Variants in PABPC3 observed in about 807,000 individuals in gnomAD.
PABPC3 encodes the protein polyadenylate-binding protein 3.
A neutral mutation model predicts 43.0 loss-of-function variants in PABPC3; 43 were observed. The observed-to-expected ratio is 1.00, with a 90% CI of 0.78 to 1.29. PABPC3 has a LOEUF of 1.29. PABPC3 is among the 50% of genes most tolerant of loss of function. The pLI is 0.00. For synonymous variants in PABPC3, 221 were observed against 274.6 expected (o/e 0.80, Z 1.93); for missense variants, 784 against 798.1 (o/e 0.98, Z 0.21).
Position 25,096,896 on chromosome 13 carries a change from T to A in PABPC3, c.698T>A (p.Phe233Tyr). 1 of 1,614,270 alleles carries A rather than the reference T, an allele frequency of 6.2e-7. No individual in the cohort carries two copies. Among genetic ancestry groups the A allele is most frequent in the Non-Finnish European group, 8.5e-7 (1 of 1,180,040 alleles). The change falls in exon 1 of 1, where the codon TTT (phenylalanine) becomes TAT (tyrosine). Residue 233 changes from phenylalanine (F) to tyrosine (Y), a missense_variant. Coordinates refer to ENST00000281589, the MANE Select transcript of PABPC3 (RefSeq NM_030979.3). ...MTDESGKSKG[F>Y]GFVSFERHED... ...GATGAAAGTGGAAAATCCAAAGGAT[T>A]TGGATTTGTAAGCTTTGAAAGGCAT...
chr13:25,098,110 A>G lies in PABPC3; in HGVS notation c.*16A>G. The G allele has an allele frequency of 6.2e-7, 1 of 1,602,506 alleles. No individual in the cohort carries two copies. The highest frequency in any genetic ancestry group is 8.5e-7 in the Non-Finnish European group (1 of 1,172,882). Reference sequence around the variant, plus strand: ...AACTGTTTAAAATTGATCAGAGACCACGAAAAGAAATTTGTGCTTCACCGA... The same window carrying G: ...AACTGTTTAAAATTGATCAGAGACCGCGAAAAGAAATTTGTGCTTCACCGA... On this transcript the variant is annotated 3_prime_UTR_variant, in exon 1 of 1. Coordinates refer to ENST00000281589, the MANE Select transcript of PABPC3 (RefSeq NM_030979.3).
Position 25,096,454 on chromosome 13 carries a change from T to C in PABPC3, c.256T>C (p.Trp86Arg). The stretch of plus-strand genomic sequence containing the variant: ...AAAGGGCAAGCCAGTACGCATCATG[T>C]GGTCTCAGCGTGATCCATCACTTCG... ...VIKGKPVRIMWSQRDPSLRKS... is the reference protein window; with the variant it reads ...VIKGKPVRIMRSQRDPSLRKS... The change falls in exon 1 of 1, where the codon TGG (tryptophan) becomes CGG (arginine). Residue 86 changes from tryptophan (W) to arginine (R), a missense_variant. Trp to Arg is a moderately radical substitution (Grantham distance 101, BLOSUM62 -3). Coordinates refer to ENST00000281589, the MANE Select transcript of PABPC3 (RefSeq NM_030979.3). The C allele has an allele frequency of 6.2e-7, 1 of 1,614,268 alleles. No homozygotes were observed. Among genetic ancestry groups the C allele is most frequent in the Non-Finnish European group, 8.5e-7 (1 of 1,180,046 alleles).
At position 25,096,257 on chromosome 13, in the gene PABPC3, C is replaced by T. The variant is rs1310700164; in HGVS notation, c.59C>T (p.Pro20Leu). 1 of 1,614,140 alleles carries T rather than the reference C, an allele frequency of 6.2e-7. No homozygotes were observed. ...TASLYVGDLH[P>L]DVTEAMLYEK... ...TCGCTCTACGTGGGGGACCTCCACC[C>T]CGACGTGACTGAGGCGATGCTCTAC... The change falls in exon 1 of 1, where the codon CCC (proline) becomes CTC (leucine). Residue 20 changes from proline to leucine, a missense_variant. Pro to Leu is a moderately conservative substitution (Grantham distance 98, BLOSUM62 -3). Coordinates refer to ENST00000281589, the MANE Select transcript of PABPC3 (RefSeq NM_030979.3).
rs1446775042 is a variant in PABPC3, at chr13:25,097,565, C to A, written c.1367C>A (p.Pro456Gln). The change falls in exon 1 of 1, where the codon CCA becomes CAA. Residue 456 changes from proline to glutamine, a missense_variant. Physicochemically the swap from Pro to Gln is moderately conservative, Grantham distance 76. Transcript: ENST00000281589. ...ATCCGCCCAGGTGCTCCTAGAGTACCATTTAGTACTATGAGACCAGCTTCT... is the reference window on the plus strand; with the variant it reads ...ATCCGCCCAGGTGCTCCTAGAGTACAATTTAGTACTATGAGACCAGCTTCT... Reference protein sequence around the residue: ...SAIRPGAPRVPFSTMRPASSQ... With the variant: ...SAIRPGAPRVQFSTMRPASSQ... 5.6e-6 allele frequency: 9 copies of A among 1,614,218 alleles called. No individual in the cohort carries two copies. The highest frequency in any genetic ancestry group is 1.6e-4 in the Middle Eastern group (1 of 6,062).
chr13:25,098,127 C>T lies in PABPC3; in HGVS notation c.*33C>T. On this transcript the variant is annotated 3_prime_UTR_variant, in exon 1 of 1. Coordinates refer to ENST00000281589, the MANE Select transcript of PABPC3 (RefSeq NM_030979.3). Reference sequence around the variant, plus strand: ...CAGAGACCACGAAAAGAAATTTGTGCTTCACCGAAGAAAAATATCTAAACA... The same window carrying T: ...CAGAGACCACGAAAAGAAATTTGTGTTTCACCGAAGAAAAATATCTAAACA... The T allele has an allele frequency of 6.4e-7, 1 of 1,568,380 alleles. No individual in the cohort carries two copies. The highest frequency in any genetic ancestry group is 8.7e-7 in the Non-Finnish European group (1 of 1,146,462).
In PABPC3 at chr13:25,098,973, TTAAC is replaced by T. The variant is rs1207613132; in HGVS notation, c.*882_*885del. ...TTTCTTGGTTTATCAATTTTGTAAT[TTAAC>T]TATTGACTTCCTGCTGTAACAAATA... On this transcript the variant is annotated 3_prime_UTR_variant, in exon 1 of 1. Transcript: ENST00000281589. 3.0e-5 allele frequency: 5 copies of T among 166,884 alleles called. No individual in the cohort carries two copies. The highest frequency in any genetic ancestry group is 4.8e-5 in the African/African-American group (2 of 41,454). The allele number at this position is 166,884 out of a possible 1,614,324, so 10.3% of individuals were successfully genotyped here.
chr13:25,097,595 A>T lies in PABPC3; in HGVS notation c.1397A>T (p.Gln466Leu), dbSNP rs1956051258. The change falls in exon 1 of 1, where the codon CAG becomes CTG. Residue 466 changes from glutamine (Q) to leucine (L), a missense_variant. By Grantham distance (113) the Gln-to-Leu change is moderately radical. Transcript: ENST00000281589. ...AGTACTATGAGACCAGCTTCTTCAC[A>T]GGTTCCACGAGTCATGTCAACGCAG... ...PFSTMRPASS[Q>L]VPRVMSTQRV... The T allele has an allele frequency of 6.2e-7, 1 of 1,614,134 alleles. No individual in the cohort carries two copies. The highest frequency in any genetic ancestry group is 1.1e-5 in the South Asian group (1 of 91,092).
chr13:25,096,959 A>T lies in PABPC3; in HGVS notation c.761A>T (p.Lys254Met), dbSNP rs1366870550. The change falls in exon 1 of 1, where the codon AAG (lysine) becomes ATG (methionine). Residue 254 changes from lysine (K) to methionine (M), a missense_variant. By Grantham distance (95) the Lys-to-Met change is moderately conservative (BLOSUM62 -1). Coordinates refer to ENST00000281589, the MANE Select transcript of PABPC3 (RefSeq NM_030979.3). ...AAAGCTGTAGATGAGATGAATGGAA[A>T]GGAGCTCAATGGAAAACAAATTTAC... ...AQKAVDEMNG[K>M]ELNGKQIYVG... is the part of the protein sequence containing the mutation. The T allele has an allele frequency of 1.6e-6, 2 of 1,220,080 alleles. No homozygotes were observed. The highest frequency in any genetic ancestry group is 3.1e-5 in the African/African-American group (2 of 64,896). 75.6% of individuals were successfully genotyped at this position (1,220,080 alleles called of 1,614,324 possible).
chr13:25,097,672 G>A lies in PABPC3; in HGVS notation c.1474G>A (p.Ala492Thr), dbSNP rs1565996764. 4 of 1,614,074 alleles carry A rather than the reference G, an allele frequency of 2.5e-6. No homozygotes were observed. The highest frequency in any genetic ancestry group is 3.4e-6 in the Non-Finnish European group (4 of 1,180,012). ...AGTGGGTCCACGTCCTGCAGCTGCT[G>A]CTGCTGCTGCAGCTACCCCTGCTGT... ...QTVGPRPAAA[A>T]AAAATPAVRT... Residue 492 changes from alanine to threonine, a missense_variant, in exon 1 of 1, where the codon GCT (alanine) becomes ACT (threonine). Coordinates refer to ENST00000281589, the MANE Select transcript of PABPC3 (RefSeq NM_030979.3).
chr13:25,096,845 C>A lies in PABPC3; in HGVS notation c.647C>A (p.Pro216His). 1 of 1,614,264 alleles carries A rather than the reference C, an allele frequency of 6.2e-7. No homozygotes were observed. The highest frequency in any genetic ancestry group is 8.5e-7 in the Non-Finnish European group (1 of 1,180,048). Residue 216 changes from proline to histidine, a missense_variant, in exon 1 of 1, where the codon CCC (proline) becomes CAC (histidine). Coordinates refer to ENST00000281589, the MANE Select transcript of PABPC3 (RefSeq NM_030979.3). ...RLKDLFGKFG[P>H]ALSVKVMTDE... ...AAGGATCTCTTTGGCAAGTTCGGGC[C>A]CGCCTTAAGTGTGAAAGTAATGACC... is the stretch of plus-strand genomic sequence containing the variant.
chr13:25,098,108 C>G lies in PABPC3; in HGVS notation c.*14C>G. 2.5e-6 allele frequency: 4 copies of G among 1,600,702 alleles called. No individual in the cohort carries two copies. Among genetic ancestry groups the G allele is most frequent in the Non-Finnish European group, 3.4e-6 (4 of 1,171,810 alleles). On this transcript the variant is annotated 3_prime_UTR_variant, in exon 1 of 1. Transcript: ENST00000281589. ...CCAACTGTTTAAAATTGATCAGAGA[C>G]CACGAAAAGAAATTTGTGCTTCACC...
In PABPC3 at chr13:25,098,160, A is replaced by C. The variant is rs187286626; in HGVS notation, c.*66A>C. 4.0e-5 allele frequency: 56 copies of C among 1,412,508 alleles called. No individual in the cohort carries two copies. The highest frequency in any genetic ancestry group is 5.0e-5 in the Non-Finnish European group (51 of 1,023,328). 87.5% of individuals were successfully genotyped at this position (1,412,508 alleles called of 1,614,324 possible). ...AAGAAAAATATCTAAACATCGAGAA[A>C]CTATGGGAAAAAAAATTGCAAAATC... is the stretch of plus-strand genomic sequence containing the variant. On this transcript the variant is annotated 3_prime_UTR_variant, in exon 1 of 1. Coordinates refer to ENST00000281589, the MANE Select transcript of PABPC3 (RefSeq NM_030979.3).
rs1956050170 is a variant in PABPC3, at chr13:25,097,538, C to T, written c.1340C>T (p.Ala447Val). Residue 447 changes from alanine (A) to valine (V), a missense_variant, in exon 1 of 1, where the codon GCT (alanine) becomes GTT (valine). Transcript: ENST00000281589. ...RPHPFQNKPS[A>V]IRPGAPRVPF... ...CATCCATTCCAAAATAAGCCCAGTG[C>T]TATCCGCCCAGGTGCTCCTAGAGTA... 1 of 1,614,246 alleles carries T rather than the reference C, an allele frequency of 6.2e-7. No individual in the cohort carries two copies. Among genetic ancestry groups the T allele is most frequent in the Non-Finnish European group, 8.5e-7 (1 of 1,180,036 alleles).
Position 25,096,297 on chromosome 13 carries a change from G to T in PABPC3, c.99G>T (p.Pro33=), listed in dbSNP as rs143908969. The part of the protein sequence containing the change: ...TEAMLYEKFS[P]AGPILSIRIC... The stretch of plus-strand genomic sequence containing the variant: ...CGATGCTCTACGAGAAGTTCAGCCC[G>T]GCAGGGCCCATCCTCTCCATCCGGA... The change falls in exon 1 of 1, where the codon CCG becomes CCT. Residue 33 remains proline (P), a synonymous_variant. Coordinates refer to ENST00000281589, the MANE Select transcript of PABPC3 (RefSeq NM_030979.3). The T allele has an allele frequency of 8.1e-6, 13 of 1,614,140 alleles. No homozygotes were observed. Among genetic ancestry groups the T allele is most frequent in the African/African-American group, 2.7e-5 (2 of 74,932 alleles).
chr13:25,096,707 T>C lies in PABPC3; in HGVS notation c.509T>C (p.Val170Ala), dbSNP rs1956040137. 1 of 1,614,300 alleles carries C rather than the reference T, an allele frequency of 6.2e-7. No homozygotes were observed. The highest frequency in any genetic ancestry group is 8.5e-7 in the Non-Finnish European group (1 of 1,180,052). ...GMLLNGRKVF[V>A]GQFKSRKERE... ...CTCCTAAATGGTCGCAAAGTATTTGTTGGACAATTTAAGTCTCGTAAAGAA... is the reference window on the plus strand; with the variant it reads ...CTCCTAAATGGTCGCAAAGTATTTGCTGGACAATTTAAGTCTCGTAAAGAA... Residue 170 changes from valine to alanine, a missense_variant, in exon 1 of 1, where the codon GTT (valine) becomes GCT (alanine). Transcript: ENST00000281589.
chr13:25,097,807 C>A lies in PABPC3; in HGVS notation c.1609C>A (p.Gln537Lys). The A allele has an allele frequency of 1.2e-6, 2 of 1,614,098 alleles. No individual in the cohort carries two copies. The highest frequency in any genetic ancestry group is 1.7e-6 in the Non-Finnish European group (2 of 1,179,962). ...ACAGCTTGCTGTTCATGTACAAGGTCAGGAAACTTTGACTGCCTCCAGGTT... is the reference window on the plus strand; with the variant it reads ...ACAGCTTGCTGTTCATGTACAAGGTAAGGAAACTTTGACTGCCTCCAGGTT... ...MQQLAVHVQG[Q>K]ETLTASRLAS... The change falls in exon 1 of 1, where the codon CAG (glutamine) becomes AAG (lysine). Residue 537 changes from glutamine to lysine, a missense_variant. Coordinates refer to ENST00000281589, the MANE Select transcript of PABPC3 (RefSeq NM_030979.3).
rs918060858 is a variant in PABPC3, at chr13:25,098,103, A to G, written c.*9A>G. 2 of 1,607,390 alleles carry G rather than the reference A, an allele frequency of 1.2e-6. No homozygotes were observed. Among genetic ancestry groups the G allele is most frequent in the Non-Finnish European group, 1.7e-6 (2 of 1,176,390 alleles). The stretch of plus-strand genomic sequence containing the variant: ...GTGTTCCAACTGTTTAAAATTGATC[A>G]GAGACCACGAAAAGAAATTTGTGCT... On this transcript the variant is annotated 3_prime_UTR_variant, in exon 1 of 1. Transcript: ENST00000281589.
In PABPC3 at chr13:25,097,338, C is replaced by G; in HGVS notation, c.1140C>G (p.Asn380Lys). 7.4e-6 allele frequency: 12 copies of G among 1,614,230 alleles called. No homozygotes were observed. The highest frequency in any genetic ancestry group is 1.0e-5 in the Non-Finnish European group (12 of 1,180,046). Residue 380 changes from asparagine to lysine, a missense_variant, in exon 1 of 1, where the codon AAC (asparagine) becomes AAG (lysine). By Grantham distance (94) the Asn-to-Lys change is moderately conservative. Coordinates refer to ENST00000281589, the MANE Select transcript of PABPC3 (RefSeq NM_030979.3). ...AAGAGCGCCAGGCTTACCTCACTAACGAGTATATGCAGAGAATGGCAAGTG... is the reference window on the plus strand; with the variant it reads ...AAGAGCGCCAGGCTTACCTCACTAAGGAGTATATGCAGAGAATGGCAAGTG... ...RKEERQAYLT[N>K]EYMQRMASVR...
rs774180819 is a variant in PABPC3, at chr13:25,096,517, G to C, written c.319G>C (p.Asp107His). Residue 107 changes from aspartate to histidine, a missense_variant, in exon 1 of 1, where the codon GAT (aspartate) becomes CAT (histidine). Transcript: ENST00000281589. ...GVGNIFVKNL[D>H]KSINNKALYD... ...GGGCAACATATTCGTTAAAAATCTG[G>C]ATAAGTCCATTAATAATAAAGCACT... is the stretch of plus-strand genomic sequence containing the variant. 6.8e-6 allele frequency: 11 copies of C among 1,614,092 alleles called. No individual in the cohort carries two copies. Among genetic ancestry groups the C allele is most frequent in the African/African-American group, 2.7e-5 (2 of 74,938 alleles).
Sources: allele counts gnomAD v4.1 joint callset, GRCh38; gene constraint gnomAD v4.1.1; transcripts MANE v1.5; gene names NCBI Gene and HGNC (gene_info 2026-07-23, HGNC 2026-07-21).